PCNX2: variants seen among roughly 807,000 people sequenced by gnomAD.
PCNX2 encodes pecanex 2.
Under a neutral mutation model 223.8 loss-of-function variants are expected in PCNX2, and 168 were observed. The ratio of observed to expected loss-of-function variants is 0.75; its 90% confidence interval spans 0.66 to 0.85. PCNX2 has a LOEUF of 0.85. Ranked by LOEUF, PCNX2 falls within the 40% of genes least tolerant of loss-of-function variation. The probability of loss-of-function intolerance (pLI) is 0.00; values close to 1 mark genes in which losing one functional copy is unlikely to be tolerated. For missense variants in PCNX2, 2,507 were observed against 2,675.5 expected, an observed-to-expected ratio of 0.94 and a Z score of 1.39; for synonymous variants, 1,006 against 1,052.6, an observed-to-expected ratio of 0.96 and a Z score of 0.86.
chr1:233,305,822 T>C, the PCNX2 span, among the ~76,000 whole-genome samples: 1 of 152,004 alleles, frequency 6.6e-6, no homozygotes, highest in African/African-American at 2.4e-5. Flanking sequence ...CACTTAACAA[T>C]AGAGGAGGCA....
chr1:233,293,504 G>A (rs1181832983), intron 1 of PCNX2, among the ~76,000 whole-genome samples: 1 of 152,186 alleles, frequency 6.6e-6, no homozygotes, highest in African/African-American at 2.4e-5. Context: ...CTAAGTACCA[G>A]ACAGAATTCG....
intron 21 of PCNX2, among the ~76,000 whole-genome samples, chr1:233,108,152 G>A (rs753934235): frequency 2.0e-5 from 3 of 152,174 alleles, no homozygotes; most frequent in African/African-American, 7.2e-5. Context: ...TCTGGGCTGC[G>A]TTGTCTGTGG....
Position 233,261,294 on chromosome 1 carries a change from C to T in PCNX2, c.508G>A (p.Asp170Asn), listed in dbSNP as rs1660025716. 6.2e-7 allele frequency: 1 copy of T among 1,611,420 alleles called. No homozygotes were observed. Among genetic ancestry groups the T allele is most frequent in the African/African-American group, 1.3e-5 (1 of 74,882 alleles). ...LELSAQETVE[D>N]LKGVILLEDH... ...ATGATTAACAGTTTACCTTTGAGAT[C>T]TTCTACAGTTTCCTGTGCTGACAAC... The change falls in exon 4 of 34, where the codon GAT becomes AAT. Residue 170 changes from aspartate (D) to asparagine (N), a missense_variant. Asp to Asn is a conservative substitution (Grantham distance 23). Coordinates refer to ENST00000258229, the MANE Select transcript of PCNX2 (RefSeq NM_014801.4).
intron 25 of PCNX2, among the ~76,000 whole-genome samples, chr1:233,051,269 T>C (rs1022565207): frequency 1.2e-4 from 19 of 152,366 alleles, no homozygotes; most frequent in Middle Eastern, 3.4e-3. Context: ...CTAGCCACTG[T>C]GGAAAGCAGT....
Position 233,000,285 on chromosome 1 carries a change from A to G in PCNX2, c.5328+20T>C. The G allele has an allele frequency of 1.2e-6, 2 of 1,611,748 alleles. No homozygotes were observed. Among genetic ancestry groups the G allele is most frequent in the East Asian group, 4.5e-5 (2 of 44,870 alleles). Reference sequence around the variant, plus strand: ...AGAGACACGAGCCAACAGGGGACCCAGAAAGTGTGGCCGCCATACCTTGAT... The same window carrying G: ...AGAGACACGAGCCAACAGGGGACCCGGAAAGTGTGGCCGCCATACCTTGAT... On this transcript the variant is annotated intron_variant, in intron 30 of 33. Coordinates refer to ENST00000258229, the MANE Select transcript of PCNX2 (RefSeq NM_014801.4). The surrounding 1 kb of genome is among the most constrained non-coding windows in gnomAD (Gnocchi z 4.6).
In PCNX2 at chr1:233,000,169, C is replaced by G; in HGVS notation, c.5328+136G>C. 4 of 932,622 alleles carry G rather than the reference C, an allele frequency of 4.3e-6. No individual in the cohort carries two copies. Among genetic ancestry groups the G allele is most frequent in the Non-Finnish European group, 6.8e-6 (4 of 589,630 alleles). The allele number at this position is 932,622 out of a possible 1,614,324, so 57.8% of individuals were successfully genotyped here. ...CCCCACTTGCCAGCCAGCGCTCCTT[C>G]CAGAACATCCCTCTGAACAGAGGAT... On this transcript the variant is annotated intron_variant, in intron 30 of 33. Coordinates refer to ENST00000258229, the MANE Select transcript of PCNX2 (RefSeq NM_014801.4). This position sits in a 1 kb window ranked among gnomAD's most constrained non-coding sequence, Gnocchi z 4.6.
At chr1:233,293,180 T>C (rs1002017556) in intron 1 of PCNX2, among the ~76,000 whole-genome samples, 4 of 152,208 alleles carry the variant, frequency 2.6e-5, no homozygotes, top group Non-Finnish European at 5.9e-5. Flanking sequence ...TGAGCCCATA[T>C]GCATAGGAAA....
chr1:233,196,936 C>T (rs980443364), intron 15 of PCNX2, among the ~76,000 whole-genome samples: 7 of 152,136 alleles, frequency 4.6e-5, no homozygotes, highest in Non-Finnish European at 1.0e-4. Context: ...GATGGGGGAA[C>T]AGTTTGTGTC....
chr1:233,055,660 CT>C (rs1192508913), intron 24 of PCNX2, among the ~76,000 whole-genome samples: 2 of 152,098 alleles, frequency 1.3e-5, no homozygotes, highest in African/African-American at 4.8e-5. Context: ...CTAGGAGTAG[CT>C]TTTCTTTGGG....
At chr1:233,092,668 G>A (rs1673929457) in intron 22 of PCNX2, among the ~76,000 whole-genome samples, 1 of 152,180 alleles carries the variant, frequency 6.6e-6, no homozygotes, top group Non-Finnish European at 1.5e-5. Flanking sequence ...GCTACTAAGA[G>A]GAGCAGGCAC....
intron 12 of PCNX2, among the ~76,000 whole-genome samples, chr1:233,213,786 A>G (rs915581619): frequency 6.9e-6 from 1 of 145,968 alleles, no homozygotes; most frequent in Admixed American, 6.8e-5. Context: ...AGCCTGCACC[A>G]GGCATATTAC....
At chr1:233,254,371 C>A (rs1188587521) in intron 5 of PCNX2, among the ~76,000 whole-genome samples, 11 of 152,180 alleles carry the variant, frequency 7.2e-5, no homozygotes, top group Non-Finnish European at 1.5e-5. Context: ...CATAAAAAAT[C>A]GCAGAAAGGC....
intron 21 of PCNX2, chr1:233,112,725 A>C: frequency 1.2e-6 from 1 of 833,574 alleles, no homozygotes. Flanking sequence ...AATATAACTA[A>C]ATTCACATAT....
At chr1:233,224,157 G>A (rs1463743662) in intron 10 of PCNX2, among the ~76,000 whole-genome samples, 1 of 152,194 alleles carries the variant, frequency 6.6e-6, no homozygotes, top group Non-Finnish European at 1.5e-5. Flanking sequence ...ATGAAATGTT[G>A]AAATAATGCA....
chr1:233,224,950 G>A lies in PCNX2; in HGVS notation c.2504+2276C>T, dbSNP rs143232917. Among the ~76,000 whole-genome samples, 405 of 151,840 alleles carry A rather than the reference G, an allele frequency of 2.7e-3. 4 individuals carry two copies. The highest frequency in any genetic ancestry group is 9.4e-3 in the African/African-American group (390 of 41,344). On this transcript the variant is annotated intron_variant, in intron 10 of 33. Coordinates refer to ENST00000258229, the MANE Select transcript of PCNX2 (RefSeq NM_014801.4). The stretch of plus-strand genomic sequence containing the variant: ...AACATCACACACCGGGGCCTGTCAG[G>A]GTTTGGGGGGCAAGGGGAGGGAGAG...
chr1:233,162,465 G>A (rs763223399), intron 17 of PCNX2, among the ~76,000 whole-genome samples: 11 of 152,186 alleles, frequency 7.2e-5, no homozygotes, highest in East Asian at 1.9e-4. Flanking sequence ...CTTGCTGACC[G>A]TATTATCATC....
rs913662335 is a variant in PCNX2, at chr1:233,005,249, G to C, written c.4953-3568C>G. 2.6e-5 allele frequency among the ~76,000 whole-genome samples: 4 copies of C among 152,190 alleles called. No homozygotes were observed. In the East Asian group the frequency reaches 7.7e-4, roughly 29 times the overall value. On this transcript the variant is annotated intron_variant, in intron 28 of 33. Transcript: ENST00000258229. ...TGCATAAGAGAAAAAGCTTTCTCCA[G>C]ATGTAGAGATGGGGATAGTGGAAAA... is the stretch of plus-strand genomic sequence containing the variant.
intron 25 of PCNX2, among the ~76,000 whole-genome samples, chr1:233,028,973 G>C (rs1467152052): frequency 6.6e-6 from 1 of 151,516 alleles, no homozygotes; most frequent in Admixed American, 6.6e-5. Context: ...TGAGTAGCTG[G>C]GATTACAGGT....
chr1:233,282,950 T>C (rs149120284), intron 1 of PCNX2, among the ~76,000 whole-genome samples: 54 of 152,242 alleles, frequency 3.5e-4, no homozygotes, highest in Admixed American at 2.0e-3. Context: ...CAAAAAATAA[T>C]TGGAAAATAA....
Sources: allele counts gnomAD v4.1 joint callset (sites outside exome capture counted in the v4.1 genomes callset), GRCh38; gene constraint gnomAD v4.1.1; non-coding constraint Gnocchi (gnomAD v3.1); transcripts MANE v1.5; gene names NCBI Gene and HGNC (gene_info 2026-07-23, HGNC 2026-07-21).